LYZL1: variants seen among roughly 807,000 people sequenced by gnomAD.
LYZL1 encodes the protein lysozyme-like protein 1.
Under a neutral mutation model 17.9 loss-of-function variants are expected in LYZL1, and 16 were observed. The observed-to-expected ratio is 0.90, with a 90% CI of 0.61 to 1.36. The LOEUF (loss-of-function observed/expected upper bound fraction) is 1.36, where lower values mean the gene tolerates loss of function less well. LYZL1 is among the 40% of genes most tolerant of loss of function. The pLI, the probability that LYZL1 is intolerant of heterozygous loss-of-function variation, is 0.00. For synonymous variants in LYZL1, 58 were observed against 71.8 expected (o/e 0.81, Z 0.97); for missense variants, 149 against 188.4 (o/e 0.79, Z 1.22).
chr10:29,292,616 C>T lies in LYZL1; in HGVS notation c.237C>T (p.Ser79=). 1.2e-6 allele frequency: 2 copies of T among 1,614,262 alleles called. No individual in the cohort carries two copies. The highest frequency in any genetic ancestry group is 1.7e-6 in the Non-Finnish European group (2 of 1,180,052). The part of the protein sequence containing the change: ...SIDYGIFQIN[S]FAWCRRGKLK... ...ACTATGGCATCTTCCAGATCAACAG[C>T]TTCGCGTGGTGCAGACGCGGAAAGC... is the stretch of plus-strand genomic sequence containing the variant. Residue 79 remains serine, a synonymous_variant, in exon 3 of 5, where the codon AGC becomes AGT. Coordinates refer to ENST00000649382, the MANE Select transcript of LYZL1 (RefSeq NM_032517.6).
At chr10:29,297,722 C>T (rs1005762862) in intron 3 of LYZL1, among the ~76,000 whole-genome samples, 1 of 152,216 alleles carries the variant, frequency 6.6e-6, no homozygotes, top group Non-Finnish European at 1.5e-5. Flanking sequence ...CAGAAATCTA[C>T]TGGGAGTCTT....
chr10:29,306,889 C>T (rs1327429635), intron 3 of LYZL1, among the ~76,000 whole-genome samples: 1 of 151,766 alleles, frequency 6.6e-6, no homozygotes, highest in South Asian at 2.1e-4. Flanking sequence ...GATTCTGGCT[C>T]TGTCACCCAG....
intron 3 of LYZL1, among the ~76,000 whole-genome samples, chr10:29,293,127 CTTTTTTCTTT>C (rs1835398644): frequency 2.9e-5 from 3 of 104,194 alleles, no homozygotes; most frequent in Non-Finnish European, 4.0e-5. Flanking sequence ...CTTTTCTTTT[CTTTTTTCTTT>C]TTTTTTTTTT....
chr10:29,303,067 C>T (rs948272240), intron 3 of LYZL1, among the ~76,000 whole-genome samples: 3 of 152,158 alleles, frequency 2.0e-5, no homozygotes, highest in East Asian at 1.9e-4. Flanking sequence ...CTTCCAGCCC[C>T]GCGAGGTCTG....
intron 3 of LYZL1, among the ~76,000 whole-genome samples, chr10:29,306,911 G>A (rs1835604708): frequency 6.6e-6 from 1 of 151,824 alleles, no homozygotes; most frequent in Non-Finnish European, 1.5e-5. Context: ...CTGAAGTGCG[G>A]TGGTGCAATC....
intron 3 of LYZL1, among the ~76,000 whole-genome samples, chr10:29,296,764 T>C (rs1190386261): frequency 6.6e-6 from 1 of 152,190 alleles, no homozygotes; most frequent in African/African-American, 2.4e-5. Context: ...CTAATGACTC[T>C]GAGTGGGACT....
At chr10:29,312,377 ATT>A (rs59167356), downstream of LYZL1, among the ~76,000 whole-genome samples, 5,288 of 140,906 alleles carry the variant, frequency 0.038, 154 homozygotes, top group South Asian at 0.085. Flanking sequence ...GCATTATGAG[ATT>A]TTTTTTTTTT....
downstream of LYZL1, among the ~76,000 whole-genome samples, chr10:29,315,806 A>C (rs2132843849): frequency 6.6e-6 from 1 of 151,386 alleles, no homozygotes; most frequent in South Asian, 2.1e-4. Context: ...CTCTGACCGT[A>C]CCACCGCGCT....
At chr10:29,290,883 A>T (rs945020361) in intron 1 of LYZL1, among the ~76,000 whole-genome samples, 8 of 152,222 alleles carry the variant, frequency 5.3e-5, no homozygotes, top group Admixed American at 4.6e-4. Context: ...TTGGAAGCAA[A>T]GCTCCCACAT....
intron 1 of LYZL1, among the ~76,000 whole-genome samples, chr10:29,290,991 G>A (rs1433951332): frequency 6.6e-6 from 1 of 152,048 alleles, no homozygotes; most frequent in Admixed American, 6.5e-5. Context: ...TTCCATACAG[G>A]CCCACGTGTC....
At position 29,306,346 on chromosome 10, in the gene LYZL1, C is replaced by T. The variant is rs1344224750; in HGVS notation, c.299-3764C>T. On this transcript the variant is annotated intron_variant, in intron 3 of 4. Transcript: ENST00000649382. ...CGGGCGGATCACGAGGTCAGGAGATCGAGACCATCCCGGCTAAAACGGTGA... is the reference window on the plus strand; with the variant it reads ...CGGGCGGATCACGAGGTCAGGAGATTGAGACCATCCCGGCTAAAACGGTGA... Among the ~76,000 whole-genome samples, 3 of 137,210 alleles carry T rather than the reference C, an allele frequency of 2.2e-5. 1 individual carries two copies. The highest frequency in any genetic ancestry group is 4.9e-5 in the Non-Finnish European group (3 of 61,818). The allele number at this position is 137,210 out of a possible 152,430, so 90.0% of individuals were successfully genotyped here.
chr10:29,301,572 C>A (rs563107248), intron 3 of LYZL1, among the ~76,000 whole-genome samples: 1 of 152,070 alleles, frequency 6.6e-6, no homozygotes, highest in Admixed American at 6.6e-5. Flanking sequence ...TCTTTGTCCC[C>A]TGTATGTAAT....
rs2209788 is a variant in LYZL1, at chr10:29,292,013, C to T, written c.139+7C>T. On this transcript the variant is annotated splice_region_variant and intron_variant, in intron 2 of 4. Coordinates refer to ENST00000649382, the MANE Select transcript of LYZL1 (RefSeq NM_032517.6). ...GGCTTCAGCCTTGGAAACTGTGAGA[C>T]TCTTTCTTTCCTGCTCTCCTTCTGT... 0.17 allele frequency: 190,610 copies of T among 1,096,142 alleles called. 60,598 individuals are homozygous for T. Among genetic ancestry groups the T allele is most frequent in the East Asian group, 0.42 (14,566 of 34,298 alleles). The allele number at this position is 1,096,142 out of a possible 1,614,324, so 67.9% of individuals were successfully genotyped here. A position where few individuals can be genotyped will look rare whatever the true frequency, so the allele number is the denominator to read the frequency against.
At chr10:29,310,282 C>G (rs548952413) in intron 4 of LYZL1, 94 bp downstream of exon 4, 7 of 948,786 alleles carry the variant, frequency 7.4e-6, no homozygotes, top group African/African-American at 6.5e-5. Flanking sequence ...AACTCACCTC[C>G]GCAGAGTGGT....
At chr10:29,294,896 C>A (rs1029850431) in intron 3 of LYZL1, among the ~76,000 whole-genome samples, 3 of 152,040 alleles carry the variant, frequency 2.0e-5, no homozygotes, top group Non-Finnish European at 4.4e-5. Flanking sequence ...AAGATGTTAA[C>A]AATCAATAAT....
chr10:29,310,210 A>G, intron 4 of LYZL1, 22 bp downstream of exon 4: 1 of 1,564,256 alleles, frequency 6.4e-7, no homozygotes, highest in South Asian at 1.1e-5. Flanking sequence ...TTCTTGGGAG[A>G]CTTGTGCTGT....
At chr10:29,315,301 G>A (rs762219509), downstream of LYZL1, among the ~76,000 whole-genome samples, 16 of 152,016 alleles carry the variant, frequency 1.1e-4, no homozygotes, top group Non-Finnish European at 2.2e-4. Flanking sequence ...CCTGAGGTCA[G>A]GAGTTCGAGA....
intron 3 of LYZL1, among the ~76,000 whole-genome samples, chr10:29,309,329 A>G (rs980850728): frequency 4.0e-5 from 6 of 151,554 alleles, no homozygotes; most frequent in African/African-American, 1.5e-4. Flanking sequence ...ATTCTGTCTC[A>G]CAAAAACAAA....
intron 3 of LYZL1, among the ~76,000 whole-genome samples, chr10:29,308,787 T>C (rs1835631781): frequency 7.0e-6 from 1 of 143,854 alleles, no homozygotes; most frequent in African/African-American, 2.6e-5. Context: ...GGTGAAACCT[T>C]CTCTCTGCAA....
Sources: allele counts gnomAD v4.1 joint callset (sites outside exome capture counted in the v4.1 genomes callset), GRCh38; gene constraint gnomAD v4.1.1; transcripts MANE v1.5; gene names NCBI Gene and HGNC (gene_info 2026-07-23, HGNC 2026-07-21).